Variants in ANKRD33B observed in about 807,000 individuals in gnomAD.
ANKRD33B encodes ankyrin repeat domain-containing protein 33B.
ANKRD33B carries 6 observed loss-of-function variants against 21.5 expected under a neutral mutation model. The ratio of observed to expected loss-of-function variants is 0.28; its 90% CI spans 0.15 to 0.55. The LOEUF is 0.55. Ranked by LOEUF, ANKRD33B falls within the 20% of genes least tolerant of loss-of-function variation. The pLI is 0.94. For missense variants in ANKRD33B, 698 were observed against 747.2 expected (o/e 0.93, Z 0.77); for synonymous variants, 347 against 342.4 (o/e 1.01, Z -0.15).
At chr5:10,577,992 C>T (rs1346013957) in intron 1 of ANKRD33B, among the ~76,000 whole-genome samples, 1 of 152,212 alleles carries the variant, frequency 6.6e-6, no homozygotes, top group Non-Finnish European at 1.5e-5. Context: ...TTTCAGGAAG[C>T]TGGCACAGCC....
chr5:10,644,023 T>C (rs1304373947), intron 3 of ANKRD33B, among the ~76,000 whole-genome samples: 1 of 144,486 alleles, frequency 6.9e-6, no homozygotes, highest in Non-Finnish European at 1.5e-5. Flanking sequence ...AAAAAAAAAG[T>C]GTTGAATTGC....
intron 1 of ANKRD33B, among the ~76,000 whole-genome samples, chr5:10,611,235 C>T (rs769900986): frequency 3.9e-5 from 6 of 152,060 alleles, no homozygotes; most frequent in Middle Eastern, 3.2e-3. Flanking sequence ...AGTTTGAAGC[C>T]GTTATGACAA....
chr5:10,640,401 T>A, intron 3 of ANKRD33B, among the ~76,000 whole-genome samples: 1 of 152,202 alleles, frequency 6.6e-6, no homozygotes, highest in Non-Finnish European at 1.5e-5. Flanking sequence ...CAATACTTTA[T>A]ACACTCCTAG....
In ANKRD33B at chr5:10,649,516, G is replaced by A. The variant is rs1737275437; in HGVS notation, c.888G>A (p.Val296=). ...CVLSVLTPRS[V]RGPEDGGVLD... is the part of the protein sequence containing the mutation. Reference sequence around the variant, plus strand: ...TGTCCGTGCTGACGCCGCGCTCCGTGCGGGGCCCGGAGGACGGGGGCGTCC... The same window carrying A: ...TGTCCGTGCTGACGCCGCGCTCCGTACGGGGCCCGGAGGACGGGGGCGTCC... The change falls in exon 4 of 4, where the codon GTG becomes GTA. Residue 296 remains valine (V), a synonymous_variant. Transcript: ENST00000296657. The A allele has an allele frequency of 6.5e-7, 1 of 1,534,004 alleles. No individual in the cohort carries two copies. Among genetic ancestry groups the A allele is most frequent in the East Asian group, 2.4e-5 (1 of 40,848 alleles).
intron 1 of ANKRD33B, among the ~76,000 whole-genome samples, chr5:10,611,613 C>T (rs981169056): frequency 1.2e-4 from 18 of 152,190 alleles, no homozygotes; most frequent in African/African-American, 1.9e-4. Flanking sequence ...TCCTGCCTCC[C>T]GGCCAGGAAG....
rs551318779 is a variant in ANKRD33B at position 10,576,845 on chromosome 5, T to C, written c.366+12012T>C. Reference sequence around the variant, plus strand: ...CTGTTAAAAGTGGCAGCCAGTGCCATGGGGAGAAGCCCAGAAGAGAGCAGA... The same window carrying C: ...CTGTTAAAAGTGGCAGCCAGTGCCACGGGGAGAAGCCCAGAAGAGAGCAGA... On this transcript the variant is annotated intron_variant, in intron 1 of 3. Coordinates refer to ENST00000296657, the MANE Select transcript of ANKRD33B (RefSeq NM_001164440.2). The surrounding 1 kb of genome is among the most constrained non-coding windows in gnomAD (Gnocchi z 4.1). 6.6e-6 allele frequency among the ~76,000 whole-genome samples: 1 copy of C among 152,318 alleles called. No individual in the cohort carries two copies. The highest frequency in any genetic ancestry group is 2.4e-5 in the African/African-American group (1 of 41,570).
chr5:10,620,497 C>T (rs940605374), intron 2 of ANKRD33B, among the ~76,000 whole-genome samples: 4 of 152,084 alleles, frequency 2.6e-5, no homozygotes, highest in Admixed American at 6.5e-5. Flanking sequence ...AGAGCTGGGA[C>T]AAGGATTAGG....
At chr5:10,564,931 G>A in intron 1 of ANKRD33B, 98 bp downstream of exon 1, 5 of 1,388,290 alleles carry the variant, frequency 3.6e-6, no homozygotes, top group Non-Finnish European at 4.7e-6. Flanking sequence ...GCTCCGGACC[G>A]GTCCCTCGGT....
intron 1 of ANKRD33B, among the ~76,000 whole-genome samples, chr5:10,580,449 C>T (rs1419006050): frequency 1.3e-5 from 2 of 152,206 alleles, no homozygotes; most frequent in Non-Finnish European, 2.9e-5. Flanking sequence ...AACCCTCCAG[C>T]GGATTATGTT....
chr5:10,591,893 A>T (rs547894605), intron 1 of ANKRD33B, among the ~76,000 whole-genome samples: 1 of 152,252 alleles, frequency 6.6e-6, no homozygotes, highest in East Asian at 1.9e-4. Flanking sequence ...TTTTGATATA[A>T]GGGAATATTG....
At chr5:10,619,000 G>A (rs899248365) in intron 2 of ANKRD33B, among the ~76,000 whole-genome samples, 8 of 152,118 alleles carry the variant, frequency 5.3e-5, no homozygotes, top group African/African-American at 1.4e-4. Context: ...GTGGCCCTCA[G>A]CCCATCAGTC....
chr5:10,570,172 C>T (rs1294209562), intron 1 of ANKRD33B, among the ~76,000 whole-genome samples: 1 of 152,134 alleles, frequency 6.6e-6, no homozygotes, highest in Non-Finnish European at 1.5e-5. Flanking sequence ...CCACTGCACC[C>T]AGCCCCCATG....
chr5:10,649,567 G>T lies in ANKRD33B; in HGVS notation c.939G>T (p.Thr313=). Residue 313 remains threonine, a synonymous_variant, in exon 4 of 4, where the codon ACG becomes ACT. Transcript: ENST00000296657. ...GVLDHMVRMT[T]SLYSPAVAIV... is the part of the protein sequence containing the mutation. ...TGGACCACATGGTCCGGATGACCACGAGCCTCTACAGCCCCGCCGTGGCCA... is the reference window on the plus strand; with the variant it reads ...TGGACCACATGGTCCGGATGACCACTAGCCTCTACAGCCCCGCCGTGGCCA... 6.5e-7 allele frequency: 1 copy of T among 1,527,320 alleles called. No individual in the cohort carries two copies. Among genetic ancestry groups the T allele is most frequent in the Non-Finnish European group, 8.8e-7 (1 of 1,141,848 alleles). The allele number at this position is 1,527,320 out of a possible 1,614,324, so 94.6% of individuals were successfully genotyped here. A position where few individuals can be genotyped will look rare whatever the true frequency, so the allele number is the denominator to read the frequency against.
At chr5:10,640,172 C>T (rs944496743) in intron 3 of ANKRD33B, among the ~76,000 whole-genome samples, 2 of 151,794 alleles carry the variant, frequency 1.3e-5, no homozygotes, top group Admixed American at 1.3e-4. Flanking sequence ...TGTGGAGTTG[C>T]GTGGTAATGT....
At chr5:10,616,694 G>A (rs1736291530) in intron 1 of ANKRD33B, among the ~76,000 whole-genome samples, 1 of 152,124 alleles carries the variant, frequency 6.6e-6, no homozygotes, top group Non-Finnish European at 1.5e-5. Context: ...TGATTGCCTG[G>A]TCATTAGCTC....
Position 10,649,810 on chromosome 5 carries a change from G to C in ANKRD33B, c.1182G>C (p.Arg394=). The change falls in exon 4 of 4, where the codon CGG becomes CGC. Residue 394 remains arginine (R), a synonymous_variant. Coordinates refer to ENST00000296657, the MANE Select transcript of ANKRD33B (RefSeq NM_001164440.2). ...RAGLPPALGS[R]GPAAPAPRKA... ...GCCTCCCTCCCGCCCTGGGGTCCCG[G>C]GGCCCCGCAGCGCCCGCCCCGCGGA... The C allele has an allele frequency of 5.1e-6, 7 of 1,385,480 alleles. No individual in the cohort carries two copies. Among genetic ancestry groups the C allele is most frequent in the Non-Finnish European group, 6.5e-6 (7 of 1,075,352 alleles). 85.8% of individuals were successfully genotyped at this position (1,385,480 alleles called of 1,614,324 possible).
chr5:10,581,375 C>T (rs553086511), intron 1 of ANKRD33B, among the ~76,000 whole-genome samples: 6 of 152,350 alleles, frequency 3.9e-5, no homozygotes, highest in African/African-American at 1.2e-4. Flanking sequence ...TTGAGGTGCA[C>T]GGTGGCCTGG....
At position 10,657,627 on chromosome 5, in the gene ANKRD33B, A is replaced by G. The variant is rs1737523411; in HGVS notation, c.*7514A>G. On this transcript the variant is annotated 3_prime_UTR_variant, in exon 4 of 4. Coordinates refer to ENST00000296657, the MANE Select transcript of ANKRD33B (RefSeq NM_001164440.2). The stretch of plus-strand genomic sequence containing the variant: ...ATAAATGTGATTCCCAGCAGCTTCA[A>G]TTTTTGATATTCAAAAAGTTAATAA... The G allele has an allele frequency of 6.6e-6, 1 of 152,336 alleles. No individual in the cohort carries two copies. Among genetic ancestry groups the G allele is most frequent in the African/African-American group, 2.4e-5 (1 of 41,438 alleles). 9.4% of individuals were successfully genotyped at this position (152,336 alleles called of 1,614,324 possible). A position where few individuals can be genotyped will look rare whatever the true frequency, so the allele number is the denominator to read the frequency against.
intron 1 of ANKRD33B, among the ~76,000 whole-genome samples, chr5:10,617,212 TC>T (rs1397214133): frequency 2.0e-5 from 3 of 152,216 alleles, no homozygotes; most frequent in African/African-American, 7.2e-5. Context: ...AAATCAACTA[TC>T]AGTGTATGTA....
Sources: allele counts gnomAD v4.1 joint callset (sites outside exome capture counted in the v4.1 genomes callset), GRCh38; gene constraint gnomAD v4.1.1; non-coding constraint Gnocchi (gnomAD v3.1); transcripts MANE v1.5; gene names NCBI Gene and HGNC (gene_info 2026-07-23, HGNC 2026-07-21).